Variants in DPYD observed in about 807,000 individuals in gnomAD.
The protein encoded by DPYD is dihydropyrimidine dehydrogenase [NADP(+)].
In DPYD, 109 loss-of-function variants were observed where a neutral mutation model predicts 116.2. The observed-to-expected ratio is 0.94, with a 90% CI of 0.80 to 1.10. The LOEUF (loss-of-function observed/expected upper bound fraction) is 1.10. Among genes scored for constraint, DPYD ranks in the 50% least tolerant of loss-of-function variants. The pLI, the probability that DPYD is intolerant of heterozygous loss-of-function variation, is 0.00. For missense variants in DPYD, 1,302 were observed against 1,254.5 expected (o/e 1.04, Z -0.57); for synonymous variants, 440 against 432.0 (o/e 1.02, Z -0.23).
intron 16 of DPYD, among the ~76,000 whole-genome samples, chr1:97,328,044 A>C (rs1195334703): frequency 1.3e-5 from 2 of 151,828 alleles, no homozygotes; most frequent in East Asian, 3.9e-4. Context: ...TGAAGGAGAT[A>C]TAAGTGGGTA....
intron 19 of DPYD, among the ~76,000 whole-genome samples, chr1:97,209,700 G>C (rs181300231): frequency 6.6e-6 from 1 of 152,118 alleles, no homozygotes; most frequent in Admixed American, 6.5e-5. Flanking sequence ...TGAGATTATT[G>C]CTTATGCCCT....
intron 13 of DPYD, among the ~76,000 whole-genome samples, chr1:97,489,106 A>G (rs1678824542): frequency 6.6e-6 from 1 of 152,232 alleles, no homozygotes; most frequent in Admixed American, 6.5e-5. Context: ...GAGTACAAAA[A>G]ATGTAGTTGA....
At chr1:97,116,277 C>G (rs1651953782) in intron 20 of DPYD, among the ~76,000 whole-genome samples, 2 of 152,104 alleles carry the variant, frequency 1.3e-5, no homozygotes, top group South Asian at 4.1e-4. Flanking sequence ...AATGAGCACA[C>G]CCAAACTGCC....
chr1:97,363,079 T>A (rs1453075347), intron 16 of DPYD, among the ~76,000 whole-genome samples: 3 of 152,018 alleles, frequency 2.0e-5, no homozygotes, highest in Admixed American at 2.0e-4. Context: ...ATAACCAGAA[T>A]CTACAAGAAC....
At chr1:97,667,842 A>G (rs1003674442) in intron 8 of DPYD, among the ~76,000 whole-genome samples, 6 of 152,176 alleles carry the variant, frequency 3.9e-5, no homozygotes, top group African/African-American at 1.4e-4. Context: ...AATGTTAAAC[A>G]AAATGTGATA....
intron 13 of DPYD, among the ~76,000 whole-genome samples, chr1:97,466,084 T>G (rs1213813472): frequency 6.6e-6 from 1 of 152,136 alleles, no homozygotes; most frequent in African/African-American, 2.4e-5. Flanking sequence ...CTGGATGACA[T>G]GGAGAGACCC....
chr1:97,842,871 T>A (rs1179607668), intron 2 of DPYD, among the ~76,000 whole-genome samples: 1 of 152,118 alleles, frequency 6.6e-6, no homozygotes, highest in South Asian at 2.1e-4. Flanking sequence ...TTCATCTTAG[T>A]ACATTTTTTA....
intron 8 of DPYD, among the ~76,000 whole-genome samples, chr1:97,614,661 T>A (rs966560758): frequency 2.0e-5 from 3 of 152,090 alleles, no homozygotes; most frequent in Non-Finnish European, 4.4e-5. Context: ...ATAAATCAAC[T>A]ATACATCCTC....
Position 97,437,299 on chromosome 1 carries a change from GT to G in DPYD, c.1905+12759del, listed in dbSNP as rs1030722583. 4.5e-3 allele frequency among the ~76,000 whole-genome samples: 644 copies of G among 142,034 alleles called. 1 individual carries two copies. Among genetic ancestry groups the G allele is most frequent in the African/African-American group, 0.013 (521 of 39,160 alleles). The allele number at this position is 142,034 out of a possible 152,430, so 93.2% of individuals were successfully genotyped here. A position where few individuals can be genotyped will look rare whatever the true frequency, so the allele number is the denominator to read the frequency against. The stretch of plus-strand genomic sequence containing the variant: ...AATAATATATGTACTTTTGTGAGGT[GT>G]TTTTTTTTTTGAATCTGGATTCCTT... On this transcript the variant is annotated intron_variant, in intron 14 of 22. Transcript: ENST00000370192.
At chr1:97,292,228 A>G (rs528647584) in intron 18 of DPYD, among the ~76,000 whole-genome samples, 105 of 152,254 alleles carry the variant, frequency 6.9e-4, no homozygotes, top group African/African-American at 2.4e-3. Context: ...TATAAGCTAC[A>G]TTGGTCTGTT....
chr1:97,505,470 TA>T (rs1307760449), intron 13 of DPYD, among the ~76,000 whole-genome samples: 2 of 151,284 alleles, frequency 1.3e-5, no homozygotes, highest in African/African-American at 4.8e-5. Flanking sequence ...ATATTGAAAA[TA>T]AAAAATTATT....
chr1:97,704,830 C>T (rs116371884), intron 5 of DPYD, among the ~76,000 whole-genome samples: 2,013 of 151,932 alleles, frequency 0.013, 20 homozygotes, highest in Middle Eastern at 0.024. Context: ...GTTGAAGGGT[C>T]AACTGCCGAA....
intron 18 of DPYD, among the ~76,000 whole-genome samples, chr1:97,282,586 C>A (rs1161732579): frequency 6.6e-6 from 1 of 151,918 alleles, no homozygotes; most frequent in Non-Finnish European, 1.5e-5. Flanking sequence ...TTCTTGCCAA[C>A]ATTTATTTTA....
chr1:97,646,414 T>C (rs1658262659), intron 8 of DPYD, among the ~76,000 whole-genome samples: 1 of 152,028 alleles, frequency 6.6e-6, no homozygotes, highest in Admixed American at 6.6e-5. Flanking sequence ...TGTGTCTTTA[T>C]TTTAGTGATT....
chr1:97,217,797 T>C (rs2101885865), intron 19 of DPYD, among the ~76,000 whole-genome samples: 1 of 152,348 alleles, frequency 6.6e-6, no homozygotes, highest in Non-Finnish European at 1.5e-5. Context: ...GGCTCCCTGA[T>C]GTGCCAATCA....
At chr1:97,318,493 C>A (rs141628426) in intron 16 of DPYD, among the ~76,000 whole-genome samples, 5,999 of 151,918 alleles carry the variant, frequency 0.039, 150 homozygotes, top group Middle Eastern at 0.11. Flanking sequence ...AAGGCCATTA[C>A]ATAATGGTAA....
At chr1:97,789,118 C>T (rs1281983099) in intron 3 of DPYD, among the ~76,000 whole-genome samples, 1 of 152,066 alleles carries the variant, frequency 6.6e-6, no homozygotes, top group Non-Finnish European at 1.5e-5. Flanking sequence ...TGAATAAAAC[C>T]TTAACCCAAG....
At chr1:97,362,712 T>G (rs972411707) in intron 16 of DPYD, among the ~76,000 whole-genome samples, 1 of 152,070 alleles carries the variant, frequency 6.6e-6, no homozygotes, top group Non-Finnish European at 1.5e-5. Flanking sequence ...AAAGGATTCC[T>G]TATTTAATAA....
At chr1:97,450,875 A>T (rs2101795414) in intron 13 of DPYD, among the ~76,000 whole-genome samples, 1 of 152,280 alleles carries the variant, frequency 6.6e-6, no homozygotes, top group East Asian at 1.9e-4. Flanking sequence ...CAGTAAAATT[A>T]ACTTGCTTGT....
Sources: gnomAD v4.1 joint callset for allele counts (sites outside exome capture counted in the v4.1 genomes callset) on GRCh38, gnomAD v4.1.1 for gene constraint, MANE v1.5 for transcripts, NCBI Gene and HGNC (gene_info 2026-07-23, HGNC 2026-07-21) for gene names.